SCYL3: variants seen among roughly 807,000 people sequenced by gnomAD.
The protein encoded by SCYL3 is protein-associating with the carboxyl-terminal domain of ezrin.
SCYL3 carries 35 observed loss-of-function variants against 73.8 expected under a neutral mutation model. The observed-to-expected ratio is 0.47, with a 90% CI of 0.36 to 0.63. SCYL3 has a LOEUF of 0.63. SCYL3 is among the 20% of genes least tolerant of loss of function. The probability of loss-of-function intolerance (pLI) is 0.00; values close to 1 mark genes in which losing one functional copy is unlikely to be tolerated. For missense variants in SCYL3, 712 were observed against 798.9 expected, an observed-to-expected ratio of 0.89 and a Z score of 1.31; for synonymous variants, 277 against 295.2, an observed-to-expected ratio of 0.94 and a Z score of 0.63.
Position 169,852,823 on chromosome 1 carries a change from T to C in SCYL3, c.*890A>G, listed in dbSNP as rs778158188. On this transcript the variant is annotated 3_prime_UTR_variant, in exon 13 of 13. Transcript: ENST00000367771. ...AAAAAGAGCTCGTCAGGAGTTCCCC[T>C]GGGAAGAAGAGTACAGGTCAGCGCT... 6.2e-7 allele frequency: 1 copy of C among 1,614,128 alleles called. No individual in the cohort carries two copies. The highest frequency in any genetic ancestry group is 1.7e-5 in the Admixed American group (1 of 60,028).
chr1:169,892,232 T>A (rs1040970926), intron 1 of SCYL3, among the ~76,000 whole-genome samples: 7 of 152,098 alleles, frequency 4.6e-5, no homozygotes, highest in African/African-American at 1.7e-4. Context: ...GCACAAATAC[T>A]GTTATATGAA....
Position 169,850,461 on chromosome 1 carries a change from C to T in SCYL3, c.*3252G>A. ...AGCTTAAACTTTTCACAGTGCTGAG[C>T]ACAGTGCTGACGACTTTTACTAAGC... On this transcript the variant is annotated 3_prime_UTR_variant, in exon 13 of 13. Coordinates refer to ENST00000367771, the MANE Select transcript of SCYL3 (RefSeq NM_020423.7). 1.4e-6 allele frequency: 1 copy of T among 707,010 alleles called. No individual in the cohort carries two copies. Among genetic ancestry groups the T allele is most frequent in the Non-Finnish European group, 2.4e-6 (1 of 418,424 alleles). The allele number at this position is 707,010 out of a possible 1,614,324, so 43.8% of individuals were successfully genotyped here.
intron 2 of SCYL3, among the ~76,000 whole-genome samples, chr1:169,887,800 T>C (rs778632754): frequency 2.0e-5 from 3 of 152,166 alleles, no homozygotes; most frequent in Non-Finnish European, 1.5e-5. Flanking sequence ...AAATTACTGT[T>C]GTGAAGACCA....
Position 169,853,772 on chromosome 1 carries a change from C to T in SCYL3, c.2008G>A (p.Gly670Arg), listed in dbSNP as rs754455126. 1 of 1,613,820 alleles carries T rather than the reference C, an allele frequency of 6.2e-7. No homozygotes were observed. The highest frequency in any genetic ancestry group is 8.5e-7 in the Non-Finnish European group (1 of 1,179,858). ...SKFAAAEITE[G>R]EAEGWEEEGE... ...TCTTCTTCCCAGCCTTCAGCCTCTC[C>T]CTGCAACAAAATAAAGCACACCAAG... The change falls in exon 13 of 13, where the codon GGA becomes AGA. Residue 670 changes from glycine to arginine, a missense_variant and splice_region_variant. Physicochemically the swap from Gly to Arg is moderately radical, Grantham distance 125. Coordinates refer to ENST00000367771, the MANE Select transcript of SCYL3 (RefSeq NM_020423.7).
chr1:169,871,366 C>T (rs12024321), intron 5 of SCYL3, among the ~76,000 whole-genome samples: 4,979 of 152,256 alleles, frequency 0.033, 252 homozygotes, highest in East Asian at 0.22. Flanking sequence ...GGGAGTTTCC[C>T]TGCATAAGCT....
rs1186855978 is a variant in SCYL3, at chr1:169,870,436, C to T, written c.523-79G>A. ...TAATTTTCTCTGAAGCACCTTCTCC[C>T]ATGTTTGTATTTATTATACTCAAAT... is the stretch of plus-strand genomic sequence containing the variant. On this transcript the variant is annotated intron_variant, in intron 5 of 12. Transcript: ENST00000367771. 4.5e-6 allele frequency: 4 copies of T among 887,770 alleles called. No individual in the cohort carries two copies. The African/African-American group carries it at 6.7e-5, about 15-fold the overall frequency. The allele number at this position is 887,770 out of a possible 1,614,324, so 55.0% of individuals were successfully genotyped here.
At chr1:169,864,680 C>T (rs985022349) in intron 8 of SCYL3, among the ~76,000 whole-genome samples, 172 bp from the exon 9 acceptor site, 1 of 152,162 alleles carries the variant, frequency 6.6e-6, no homozygotes, top group African/African-American at 2.4e-5. Context: ...AAATGCGTGG[C>T]TGGGTGCAGT....
At chr1:169,874,700 C>T (rs1660674403) in intron 4 of SCYL3, among the ~76,000 whole-genome samples, 1 of 152,084 alleles carries the variant, frequency 6.6e-6, no homozygotes, top group East Asian at 1.9e-4. Flanking sequence ...CTAAGGTGGG[C>T]AGATAACCTG....
Position 169,876,093 on chromosome 1 carries a change from T to C in SCYL3, c.352-2A>G. 1 of 1,540,168 alleles carries C rather than the reference T, an allele frequency of 6.5e-7. No homozygotes were observed. The highest frequency in any genetic ancestry group is 8.8e-7 in the Non-Finnish European group (1 of 1,140,404). ...GACATTATTGTGTGTTAGGTGTCCC[T>C]GGAAAAAAAAAAGAACAGAAGGAAG... is the stretch of plus-strand genomic sequence containing the variant. On this transcript the variant is annotated splice_acceptor_variant, in intron 3 of 12. Coordinates refer to ENST00000367771, the MANE Select transcript of SCYL3 (RefSeq NM_020423.7). LOFTEE classifies it high-confidence loss of function.
At position 169,891,842 on chromosome 1, in the gene SCYL3, T is replaced by C. The variant is rs3766156; in HGVS notation, c.-51+1946A>G. 1.9e-3 allele frequency among the ~76,000 whole-genome samples: 289 copies of C among 152,332 alleles called. 4 individuals are homozygous for C. Among genetic ancestry groups the C allele is most frequent in the African/African-American group, 4.1e-4 (17 of 41,580 alleles). The stretch of plus-strand genomic sequence containing the variant: ...AGCAAAATACTTCCTTGTGGGAACA[T>C]TGGCCTTGCAATAGCTATTAACCTT... On this transcript the variant is annotated intron_variant, in intron 1 of 12. Transcript: ENST00000367771.
At chr1:169,882,620 T>C (rs1558142456) in intron 2 of SCYL3, among the ~76,000 whole-genome samples, 1 of 152,208 alleles carries the variant, frequency 6.6e-6, no homozygotes, top group Non-Finnish European at 1.5e-5. Context: ...GCTCAGGGAC[T>C]GTAAATACAC....
chr1:169,875,887 G>A, intron 4 of SCYL3, 91 bp downstream of exon 4: 1 of 662,192 alleles, frequency 1.5e-6, no homozygotes, highest in Non-Finnish European at 2.4e-6. Flanking sequence ...CTAAGACCAA[G>A]CTAACACTGA....
intron 7 of SCYL3, 94 bp from the exon 8 acceptor site, chr1:169,867,067 A>G: frequency 3.0e-6 from 2 of 677,672 alleles, no homozygotes; most frequent in Non-Finnish European, 5.1e-6. Flanking sequence ...ATAATTTTCA[A>G]CCAAGAAACA....
chr1:169,863,788 C>G (rs140935414), intron 9 of SCYL3, among the ~76,000 whole-genome samples: 2 of 152,294 alleles, frequency 1.3e-5, no homozygotes, highest in African/African-American at 4.8e-5. Context: ...TGTAACAATG[C>G]TTTGTTGGAC....
intron 5 of SCYL3, among the ~76,000 whole-genome samples, chr1:169,872,691 C>T (rs1660493225): frequency 6.6e-6 from 1 of 152,182 alleles, no homozygotes; most frequent in Non-Finnish European, 1.5e-5. Flanking sequence ...GTAGAAGCTG[C>T]CCAAGACCAT....
intron 7 of SCYL3, among the ~76,000 whole-genome samples, chr1:169,868,004 A>C (rs896502327): frequency 1.3e-5 from 2 of 152,234 alleles, no homozygotes; most frequent in Admixed American, 1.3e-4. Flanking sequence ...TCTCATAATG[A>C]TAAATATAAA....
intron 11 of SCYL3, among the ~76,000 whole-genome samples, chr1:169,855,358 T>G (rs966708324): frequency 6.6e-6 from 1 of 152,222 alleles, no homozygotes; most frequent in African/African-American, 2.4e-5. Context: ...ACTCAACTTA[T>G]TAACCTCACT....
chr1:169,864,548 C>A (rs756771372), intron 8 of SCYL3, 40 bp from the exon 9 acceptor site: 1 of 1,548,322 alleles, frequency 6.5e-7, no homozygotes. Flanking sequence ...CTGGTCATGA[C>A]ACTGTATCAG....
chr1:169,889,268 C>A (rs1661892545), intron 1 of SCYL3, among the ~76,000 whole-genome samples: 1 of 152,070 alleles, frequency 6.6e-6, no homozygotes, highest in Non-Finnish European at 1.5e-5. Context: ...AATAAAACTT[C>A]TGTATGTAGA....
Sources: gnomAD v4.1 joint callset for allele counts (sites outside exome capture counted in the v4.1 genomes callset) on GRCh38, gnomAD v4.1.1 for gene constraint, MANE v1.5 for transcripts, NCBI Gene and HGNC (gene_info 2026-07-23, HGNC 2026-07-21) for gene names.